EFEMP1: variants seen among roughly 807,000 people sequenced by gnomAD.
EFEMP1 encodes EGF-containing fibulin-like extracellular matrix protein 1.
A neutral mutation model predicts 65.7 loss-of-function variants in EFEMP1; 18 were observed. The observed-to-expected ratio is 0.27, with a 90% CI of 0.19 to 0.41. The LOEUF (loss-of-function observed/expected upper bound fraction) is 0.41. Ranked by LOEUF, EFEMP1 falls within the 10% of genes least tolerant of loss-of-function variation. The probability of loss-of-function intolerance (pLI) is 1.00; values close to 1 mark genes in which losing one functional copy is unlikely to be tolerated. For synonymous variants in EFEMP1, 237 were observed against 219.7 expected (o/e 1.08, Z -0.70); for missense variants, 469 against 624.8 (o/e 0.75, Z 2.66).
At chr2:55,881,040 C>A (rs1669219974) in intron 6 of EFEMP1, among the ~76,000 whole-genome samples, 1 of 152,230 alleles carries the variant, frequency 6.6e-6, no homozygotes, top group Non-Finnish European at 1.5e-5. Flanking sequence ...TCTGTTGACT[C>A]AGAATACAAC....
chr2:55,866,340 G>A lies in EFEMP1; in HGVS notation c.*733C>T, dbSNP rs1668575571. On this transcript the variant is annotated 3_prime_UTR_variant, in exon 12 of 12. Transcript: ENST00000355426. ...GCTTCTTCAGGTCAGTTCCAATGTGGTTTAGAAGGAATTTATTTTCTCATA... is the reference window on the plus strand; with the variant it reads ...GCTTCTTCAGGTCAGTTCCAATGTGATTTAGAAGGAATTTATTTTCTCATA... 6.6e-6 allele frequency: 1 copy of A among 152,076 alleles called. No homozygotes were observed. Among genetic ancestry groups the A allele is most frequent in the African/African-American group, 2.4e-5 (1 of 41,396 alleles). The allele number at this position is 152,076 out of a possible 1,614,324, so 9.4% of individuals were successfully genotyped here.
intron 5 of EFEMP1, among the ~76,000 whole-genome samples, chr2:55,900,767 T>C (rs1451966087): frequency 6.6e-6 from 1 of 152,210 alleles, no homozygotes; most frequent in Non-Finnish European, 1.5e-5. Flanking sequence ...TCTCATATTA[T>C]AGGTCCTGCT....
At chr2:55,906,721 C>T (rs1487514304) in intron 5 of EFEMP1, among the ~76,000 whole-genome samples, 1 of 152,188 alleles carries the variant, frequency 6.6e-6, no homozygotes. Context: ...TTTCAGACTA[C>T]TTCCTGACTA....
In EFEMP1 at chr2:55,883,336, G is replaced by C. The variant is rs549971607; in HGVS notation, c.518-1602C>G. Among the ~76,000 whole-genome samples, 1 of 152,200 alleles carries C rather than the reference G, an allele frequency of 6.6e-6. No individual in the cohort carries two copies. Among genetic ancestry groups the C allele is most frequent in the East Asian group, 1.9e-4 (1 of 5,186 alleles). On this transcript the variant is annotated intron_variant, in intron 5 of 11. Transcript: ENST00000355426. The surrounding 1 kb of genome is among the most constrained non-coding windows in gnomAD (Gnocchi z 4.5). ...TGTCCTTTTTAGGTACTATGCGATG[G>C]TGCAACAATCCTGCTTTGAAATTAT... is the stretch of plus-strand genomic sequence containing the variant.
In EFEMP1 at chr2:55,917,566, T is replaced by A; in HGVS notation, c.517+99A>T. ...TGCAGACAAAGCACTTAGCATGATG[T>A]CTGGCACGCGAGAAGTCCTTAATAA... On this transcript the variant is annotated intron_variant, in intron 5 of 11. Coordinates refer to ENST00000355426, the MANE Select transcript of EFEMP1 (RefSeq NM_001039348.3). The surrounding 1 kb of genome is among the most constrained non-coding windows in gnomAD (Gnocchi z 6.3). 6.8e-7 allele frequency: 1 copy of A among 1,465,512 alleles called. No individual in the cohort carries two copies. The highest frequency in any genetic ancestry group is 9.6e-7 in the Non-Finnish European group (1 of 1,045,452). 90.8% of individuals were successfully genotyped at this position (1,465,512 alleles called of 1,614,324 possible). A position where few individuals can be genotyped will look rare whatever the true frequency, so the allele number is the denominator to read the frequency against.
intron 5 of EFEMP1, among the ~76,000 whole-genome samples, chr2:55,912,182 A>C (rs1192340718): frequency 2.0e-5 from 3 of 152,130 alleles, no homozygotes; most frequent in Admixed American, 6.5e-5. Flanking sequence ...AATTTACTCA[A>C]TTATAGTCTT....
At chr2:55,907,486 G>A (rs1357225914) in intron 5 of EFEMP1, among the ~76,000 whole-genome samples, 1 of 152,158 alleles carries the variant, frequency 6.6e-6, no homozygotes, top group African/African-American at 2.4e-5. Flanking sequence ...GGATTAAACA[G>A]CAAACTCTGA....
chr2:55,884,393 C>A (rs1669351082), intron 5 of EFEMP1, among the ~76,000 whole-genome samples: 1 of 151,996 alleles, frequency 6.6e-6, no homozygotes, highest in Non-Finnish European at 1.5e-5. Flanking sequence ...TCATAAATAC[C>A]AGAAAGCTCA....
intron 5 of EFEMP1, among the ~76,000 whole-genome samples, chr2:55,910,457 C>G (rs759821368): frequency 6.6e-6 from 1 of 152,150 alleles, no homozygotes; most frequent in Non-Finnish European, 1.5e-5. Context: ...TTTGTTTACT[C>G]TTTGGTTTCA....
At chr2:55,912,785 A>C (rs1344047968) in intron 5 of EFEMP1, among the ~76,000 whole-genome samples, 1 of 152,200 alleles carries the variant, frequency 6.6e-6, no homozygotes, top group Non-Finnish European at 1.5e-5. Context: ...AAAAATAAAA[A>C]TTTTAGCAAA....
chr2:55,915,305 A>G (rs1338825395), intron 5 of EFEMP1, among the ~76,000 whole-genome samples: 1 of 152,252 alleles, frequency 6.6e-6, no homozygotes, highest in African/African-American at 2.4e-5. Context: ...GTATGTATTT[A>G]GCATATTCCA....
chr2:55,869,099 CT>C (rs1223659344), intron 11 of EFEMP1, among the ~76,000 whole-genome samples: 1 of 152,022 alleles, frequency 6.6e-6, no homozygotes, highest in Non-Finnish European at 1.5e-5. Context: ...GAGAAAAACA[CT>C]GTATTTTGAT....
chr2:55,902,695 A>G (rs984753822), intron 5 of EFEMP1, among the ~76,000 whole-genome samples: 6 of 152,186 alleles, frequency 3.9e-5, no homozygotes, highest in African/African-American at 1.4e-4. Context: ...TTTGTCAATA[A>G]AGATTCAGGT....
chr2:55,880,609 C>T (rs908649801), intron 6 of EFEMP1, among the ~76,000 whole-genome samples: 3 of 152,202 alleles, frequency 2.0e-5, no homozygotes, highest in African/African-American at 7.2e-5. Context: ...AGCTCACATT[C>T]TCAGGCGAAA....
intron 5 of EFEMP1, among the ~76,000 whole-genome samples, chr2:55,912,166 C>CATCAT (rs1254347998): frequency 4.6e-5 from 7 of 152,052 alleles, no homozygotes; most frequent in Non-Finnish European, 8.8e-5. Flanking sequence ...TTAAGGTTAA[C>CATCAT]ATCATAATTT....
chr2:55,877,609 CT>C lies in EFEMP1; in HGVS notation c.760+136del. On this transcript the variant is annotated intron_variant, in intron 7 of 11. Coordinates refer to ENST00000355426, the MANE Select transcript of EFEMP1 (RefSeq NM_001039348.3). This position sits in a 1 kb window ranked among gnomAD's most constrained non-coding sequence, Gnocchi z 4.5. ...TTTTAAGACACAGATTGGTTATTAT[CT>C]TTTAAGCTTTATGATTGCTGAAGGG... The C allele has an allele frequency of 7.2e-7, 1 of 1,380,434 alleles. No individual in the cohort carries two copies. Among genetic ancestry groups the C allele is most frequent in the Non-Finnish European group, 1.0e-6 (1 of 994,274 alleles). 85.5% of individuals were successfully genotyped at this position (1,380,434 alleles called of 1,614,324 possible).
intron 5 of EFEMP1, among the ~76,000 whole-genome samples, chr2:55,905,826 T>C (rs1670244661): frequency 6.6e-6 from 1 of 152,190 alleles, no homozygotes; most frequent in South Asian, 2.1e-4. Context: ...TGAAATTAGA[T>C]AGTATAAGCT....
chr2:55,887,678 T>C (rs1230263208), intron 5 of EFEMP1, among the ~76,000 whole-genome samples: 1 of 152,216 alleles, frequency 6.6e-6, no homozygotes, highest in Non-Finnish European at 1.5e-5. Context: ...AGTAGATTTA[T>C]AGTTCTAGAT....
chr2:55,902,727 T>G (rs1670086957), intron 5 of EFEMP1, among the ~76,000 whole-genome samples: 1 of 152,212 alleles, frequency 6.6e-6, no homozygotes, highest in Non-Finnish European at 1.5e-5. Flanking sequence ...GCTGGTTTTT[T>G]GCTTCTGAGT....
Sources: gnomAD v4.1 joint callset for allele counts (sites outside exome capture counted in the v4.1 genomes callset) on GRCh38, gnomAD v4.1.1 for gene constraint, Gnocchi (gnomAD v3.1) non-coding constraint, MANE v1.5 for transcripts, NCBI Gene and HGNC (gene_info 2026-07-23, HGNC 2026-07-21) for gene names.